The following PPP1R14C variants were observed in gnomAD, a reference collection of about 807,000 sequenced individuals.
PPP1R14C encodes the protein protein phosphatase 1 regulatory subunit 14C.
Under a neutral mutation model 20.4 loss-of-function variants are expected in PPP1R14C, and 16 were observed. The ratio of observed to expected loss-of-function variants is 0.78; its 90% CI spans 0.53 to 1.19. The LOEUF (loss-of-function observed/expected upper bound fraction) is 1.19, where lower values mean the gene tolerates loss of function less well. Ranked by LOEUF, PPP1R14C falls within the 50% of genes most tolerant of loss-of-function variation. The pLI, the probability that PPP1R14C is intolerant of heterozygous loss-of-function variation, is 0.00. For synonymous variants in PPP1R14C, 91 were observed against 91.0 expected, an observed-to-expected ratio of 1.00 and a Z score of 0.00; for missense variants, 211 against 220.1, an observed-to-expected ratio of 0.96 and a Z score of 0.26.
intron 3 of PPP1R14C, among the ~76,000 whole-genome samples, chr6:150,218,125 C>T (rs1160252030): frequency 6.6e-6 from 1 of 152,148 alleles, no homozygotes; most frequent in Non-Finnish European, 1.5e-5. Flanking sequence ...AAAAATTGGC[C>T]TGTCGCGGTG....
intron 1 of PPP1R14C, among the ~76,000 whole-genome samples, chr6:150,152,731 T>C (rs1176095154): frequency 6.6e-6 from 1 of 152,208 alleles, no homozygotes; most frequent in Non-Finnish European, 1.5e-5. Context: ...TCTGTAATCC[T>C]GTCTCCCACC....
rs569827457 is a variant in PPP1R14C at position 150,152,023 on chromosome 6, G to A, written c.306+8525G>A. Among the ~76,000 whole-genome samples, 3 of 151,750 alleles carry A rather than the reference G, an allele frequency of 2.0e-5. No individual in the cohort carries two copies. The East Asian group carries it at 5.8e-4, about 29-fold the overall frequency. On this transcript the variant is annotated intron_variant, in intron 1 of 3. Transcript: ENST00000361131. The stretch of plus-strand genomic sequence containing the variant: ...TAGTCCCAGCTACTTGGGAGGCTGA[G>A]GCAGGAGAAGGGCGTGAACCCGGGA...
At chr6:150,209,568 G>T (rs945777517) in intron 1 of PPP1R14C, among the ~76,000 whole-genome samples, 51 of 151,778 alleles carry the variant, frequency 3.4e-4, no homozygotes, top group African/African-American at 1.2e-3. Context: ...GTATTCATCT[G>T]TGTGTATGTT....
intron 1 of PPP1R14C, among the ~76,000 whole-genome samples, chr6:150,194,291 G>T (rs1777778218): frequency 6.6e-6 from 1 of 152,034 alleles, no homozygotes; most frequent in African/African-American, 2.4e-5. Context: ...TTCCATTTCT[G>T]TTACCTTCCA....
In PPP1R14C at chr6:150,176,957, C is replaced by T. The variant is rs1441531812; in HGVS notation, c.306+33459C>T. On this transcript the variant is annotated intron_variant, in intron 1 of 3. Coordinates refer to ENST00000361131, the MANE Select transcript of PPP1R14C (RefSeq NM_030949.3). ...GGGCCGGTCCCACCCTCCAGTGATC[C>T]GGCCTCCCCCTGTGTGTCTCTCCCT... is the stretch of plus-strand genomic sequence containing the variant. Among the ~76,000 whole-genome samples, 6 of 152,184 alleles carry T rather than the reference C, an allele frequency of 3.9e-5. No homozygotes were observed. In the South Asian group the frequency reaches 8.3e-4, roughly 21 times the overall value.
At chr6:150,166,744 G>A (rs921773567) in intron 1 of PPP1R14C, among the ~76,000 whole-genome samples, 3 of 152,330 alleles carry the variant, frequency 2.0e-5, no homozygotes, top group African/African-American at 7.2e-5. Context: ...AGGGAACAGG[G>A]TGGCTGGTGC....
chr6:150,209,113 C>T (rs564146188), intron 1 of PPP1R14C, among the ~76,000 whole-genome samples: 2 of 152,292 alleles, frequency 1.3e-5, no homozygotes, highest in Admixed American at 6.5e-5. Context: ...TGCCACCCCA[C>T]GTTTCTCCAT....
chr6:150,242,457 G>A (rs1055953998), intron 3 of PPP1R14C, among the ~76,000 whole-genome samples: 2 of 137,168 alleles, frequency 1.5e-5, no homozygotes, highest in Admixed American at 7.2e-5. Context: ...AAAACTAGGA[G>A]GGGGAAAAAC....
At chr6:150,161,531 C>T (rs79965890) in intron 1 of PPP1R14C, among the ~76,000 whole-genome samples, 2,469 of 152,308 alleles carry the variant, frequency 0.016, 62 homozygotes, top group African/African-American at 0.056. Context: ...TGCACTAGCC[C>T]CCTTTCTTTG....
chr6:150,206,061 C>G (rs1777946033), intron 1 of PPP1R14C, among the ~76,000 whole-genome samples: 1 of 152,216 alleles, frequency 6.6e-6, no homozygotes, highest in South Asian at 2.1e-4. Flanking sequence ...GTCCCTTCCC[C>G]CACCATGGCC....
At chr6:150,153,534 A>G (rs1345972097) in intron 1 of PPP1R14C, among the ~76,000 whole-genome samples, 2 of 152,260 alleles carry the variant, frequency 1.3e-5, no homozygotes, top group Admixed American at 6.5e-5. Context: ...TGCTTGTGCA[A>G]GGAAGTAGCA....
chr6:150,231,638 A>G (rs572290201), intron 3 of PPP1R14C, among the ~76,000 whole-genome samples: 1 of 152,334 alleles, frequency 6.6e-6, no homozygotes, highest in East Asian at 1.9e-4. Flanking sequence ...TCACTATGCT[A>G]GGAAGACAAA....
chr6:150,163,993 T>C (rs1441377155), intron 1 of PPP1R14C, among the ~76,000 whole-genome samples: 1 of 152,254 alleles, frequency 6.6e-6, no homozygotes, highest in Non-Finnish European at 1.5e-5. Context: ...ACATGCCCAC[T>C]GCACTATATG....
chr6:150,145,592 C>T (rs1012401670), intron 1 of PPP1R14C, among the ~76,000 whole-genome samples: 2 of 152,152 alleles, frequency 1.3e-5, no homozygotes, highest in African/African-American at 4.8e-5. Context: ...TGATAGTGCT[C>T]TATTTTTAGC....
chr6:150,202,447 T>C (rs1295496477), intron 1 of PPP1R14C, among the ~76,000 whole-genome samples: 1 of 152,224 alleles, frequency 6.6e-6, no homozygotes, highest in African/African-American at 2.4e-5. Flanking sequence ...GGTTTGTCCC[T>C]TTCTCATTGG....
Position 150,179,511 on chromosome 6 carries a change from A to G in PPP1R14C, c.307-35233A>G, listed in dbSNP as rs545264367. ...GACAGCCCAGGTGTAGAGAGTCCAG[A>G]TAAGTGTCTCGATTTTTCCACGTTG... On this transcript the variant is annotated intron_variant, in intron 1 of 3. Coordinates refer to ENST00000361131, the MANE Select transcript of PPP1R14C (RefSeq NM_030949.3). Among the ~76,000 whole-genome samples, 3 of 152,222 alleles carry G rather than the reference A, an allele frequency of 2.0e-5. No individual in the cohort carries two copies. In the South Asian group the frequency reaches 6.2e-4, roughly 32 times the overall value.
chr6:150,158,935 A>G (rs1436155137), intron 1 of PPP1R14C, among the ~76,000 whole-genome samples: 1 of 152,236 alleles, frequency 6.6e-6, no homozygotes, highest in East Asian at 1.9e-4. Context: ...GGAAGCAGCC[A>G]TAACACTTTG....
intron 2 of PPP1R14C, among the ~76,000 whole-genome samples, chr6:150,216,294 G>A (rs560047601): frequency 6.6e-6 from 1 of 152,306 alleles, no homozygotes; most frequent in African/African-American, 2.4e-5. Context: ...TCGGGAGTTC[G>A]AGACCAGCCT....
At position 150,229,982 on chromosome 6, in the gene PPP1R14C, C is replaced by T. The variant is rs529522144; in HGVS notation, c.423+13126C>T. On this transcript the variant is annotated intron_variant, in intron 3 of 3. Transcript: ENST00000361131. ...CCTGTAACTTCCAGGAGCAAATCCCCGTGTCACACTGAGTTGGGGAACACC... is the reference window on the plus strand; with the variant it reads ...CCTGTAACTTCCAGGAGCAAATCCCTGTGTCACACTGAGTTGGGGAACACC... Among the ~76,000 whole-genome samples, 6 of 152,216 alleles carry T rather than the reference C, an allele frequency of 3.9e-5. No homozygotes were observed. In the East Asian group the frequency reaches 7.7e-4, roughly 20 times the overall value.
Sources: allele counts gnomAD v4.1 joint callset (sites outside exome capture counted in the v4.1 genomes callset), GRCh38; gene constraint gnomAD v4.1.1; transcripts MANE v1.5; gene names NCBI Gene and HGNC (gene_info 2026-07-23, HGNC 2026-07-21).